FHOD3: variants seen among roughly 807,000 people sequenced by gnomAD.
FHOD3 encodes the protein FH1/FH2 domain-containing protein 3.
In FHOD3, 90 loss-of-function variants were observed where a neutral mutation model predicts 173.0. The observed-to-expected ratio is 0.52, with a 90% CI of 0.44 to 0.62. The LOEUF (loss-of-function observed/expected upper bound fraction) is 0.62, where lower values mean the gene tolerates loss of function less well. Among genes scored for constraint, FHOD3 ranks in the 20% least tolerant of loss-of-function variants. FHOD3 has a pLI of 0.00. For synonymous variants in FHOD3, 828 were observed against 823.0 expected (o/e 1.01, Z -0.10); for missense variants, 1,945 against 2,034.7 (o/e 0.96, Z 0.85).
chr18:36,680,721 C>T (rs1480310676), intron 14 of FHOD3, among the ~76,000 whole-genome samples: 1 of 152,214 alleles, frequency 6.6e-6, no homozygotes, highest in Non-Finnish European at 1.5e-5. Flanking sequence ...CATGCTGAGT[C>T]CTTGGATGCT....
intron 3 of FHOD3, among the ~76,000 whole-genome samples, chr18:36,385,237 G>A (rs1030074101): frequency 3.9e-5 from 6 of 152,244 alleles, no homozygotes; most frequent in South Asian, 4.2e-4. Flanking sequence ...TTAAGCAGCC[G>A]ACAGATTTGA....
In FHOD3 at chr18:36,441,093, G is replaced by A. The variant is rs546571022; in HGVS notation, c.338-60839G>A. On this transcript the variant is annotated intron_variant, in intron 3 of 28. Transcript: ENST00000590592. ...TCTCTTATAGATTCCTCAGTTCCAG[G>A]AGGATAGTCTCTTCCTTTCTCTCTT... is the stretch of plus-strand genomic sequence containing the variant. 5.3e-4 allele frequency among the ~76,000 whole-genome samples: 80 copies of A among 152,236 alleles called. 1 individual carries two copies. In the East Asian group the frequency reaches 7.7e-3, roughly 15 times the overall value.
chr18:36,573,597 G>A (rs569858167), intron 5 of FHOD3, among the ~76,000 whole-genome samples: 35 of 152,284 alleles, frequency 2.3e-4, no homozygotes, highest in South Asian at 8.3e-4. Context: ...GCGTGAGACC[G>A]TGTCTCAACT....
At chr18:36,626,343 A>T (rs1395888393) in intron 10 of FHOD3, among the ~76,000 whole-genome samples, 2 of 152,218 alleles carry the variant, frequency 1.3e-5, no homozygotes, top group Non-Finnish European at 1.5e-5. Context: ...TGTCCCTTTG[A>T]GCCTCACGTT....
intron 3 of FHOD3, among the ~76,000 whole-genome samples, chr18:36,435,132 C>A (rs918855097): frequency 6.8e-6 from 1 of 146,856 alleles, no homozygotes. Context: ...CAAGAAAAGA[C>A]CCGTTTCCTT....
At chr18:36,602,496 A>T (rs1216870544) in intron 7 of FHOD3, among the ~76,000 whole-genome samples, 178 bp from the exon 8 acceptor site, 2 of 152,258 alleles carry the variant, frequency 1.3e-5, no homozygotes, top group African/African-American at 2.4e-5. Context: ...CCTACTAAGA[A>T]ATATCCTCAA....
intron 14 of FHOD3, among the ~76,000 whole-genome samples, chr18:36,675,143 A>G (rs1441999946): frequency 6.6e-6 from 1 of 152,102 alleles, no homozygotes; most frequent in East Asian, 1.9e-4. Flanking sequence ...CACCTAGGGA[A>G]GGCTGGCTAA....
At position 36,718,392 on chromosome 18, in the gene FHOD3, T is replaced by C; in HGVS notation, c.3094T>C (p.Leu1032=). The C allele has an allele frequency of 1.1e-6, 1 of 894,908 alleles. No homozygotes were observed. Among genetic ancestry groups the C allele is most frequent in the Non-Finnish European group, 1.5e-6 (1 of 662,680 alleles). 55.4% of individuals were successfully genotyped at this position (894,908 alleles called of 1,614,324 possible). A position where few individuals can be genotyped will look rare whatever the true frequency, so the allele number is the denominator to read the frequency against. Residue 1032 remains leucine (L), a synonymous_variant, in exon 19 of 29, where the codon TTG becomes CTG. Coordinates refer to ENST00000590592, the MANE Select transcript of FHOD3 (RefSeq NM_001281740.3). ...CCCACCCCCACCCACCTTTCTGGGT[T>C]TGCCGCCCCCACCCCCTCCGCCCCT... ...PPPPPPTFLG[L]PPPPPPPLLD...
rs549090682 is a variant in FHOD3, at chr18:36,387,449, C to A, written c.337+14705C>A. 2.6e-5 allele frequency among the ~76,000 whole-genome samples: 4 copies of A among 152,274 alleles called. No individual in the cohort carries two copies. In the South Asian group the frequency reaches 8.3e-4, roughly 32 times the overall value. ...AATTTCTTGTGGGTAAGCTTGAAAG[C>A]ATCACTATCATTTATGTTACTGTAA... On this transcript the variant is annotated intron_variant, in intron 3 of 28. Coordinates refer to ENST00000590592, the MANE Select transcript of FHOD3 (RefSeq NM_001281740.3).
chr18:36,715,852 G>C (rs2149740885), intron 18 of FHOD3, among the ~76,000 whole-genome samples: 1 of 152,332 alleles, frequency 6.6e-6, no homozygotes, highest in African/African-American at 2.4e-5. Context: ...AAGACAAGAG[G>C]TCAAGGATAA....
At chr18:36,565,418 T>C (rs2058229131) in intron 5 of FHOD3, among the ~76,000 whole-genome samples, 1 of 152,218 alleles carries the variant, frequency 6.6e-6, no homozygotes, top group Non-Finnish European at 1.5e-5. Flanking sequence ...AGAGCTCCTG[T>C]GTTCTAATTG....
At chr18:36,693,539 A>T (rs753536270) in intron 17 of FHOD3, 116 bp downstream of exon 17, 17 of 952,794 alleles carry the variant, frequency 1.8e-5, no homozygotes, top group Non-Finnish European at 2.7e-5. Context: ...CTATGGGTAC[A>T]CTTTGTTGGG....
chr18:36,346,381 A>G (rs2045881216), intron 1 of FHOD3, among the ~76,000 whole-genome samples: 1 of 151,966 alleles, frequency 6.6e-6, no homozygotes, highest in South Asian at 2.1e-4. Context: ...AAAAAACAAA[A>G]CTGAAAAACC....
intron 19 of FHOD3, among the ~76,000 whole-genome samples, chr18:36,725,736 G>A (rs969288433): frequency 9.2e-5 from 14 of 152,172 alleles, no homozygotes; most frequent in East Asian, 1.9e-4. Flanking sequence ...ATGTTCACTC[G>A]CCATATCGGT....
chr18:36,379,409 T>G (rs1403157552), intron 3 of FHOD3, among the ~76,000 whole-genome samples: 1 of 152,374 alleles, frequency 6.6e-6, no homozygotes, highest in South Asian at 2.1e-4. Context: ...ATTGCTTCTT[T>G]AGGACTTGGT....
At chr18:36,612,891 A>G (rs759922284) in intron 9 of FHOD3, among the ~76,000 whole-genome samples, 1 of 152,244 alleles carries the variant, frequency 6.6e-6, no homozygotes, top group Non-Finnish European at 1.5e-5. Context: ...TGTGCATTCT[A>G]CCAACACTCT....
intron 5 of FHOD3, among the ~76,000 whole-genome samples, chr18:36,550,243 C>CAT (rs371573246): frequency 0.08 from 9,682 of 120,520 alleles, 521 homozygotes; most frequent in African/African-American, 0.14. Flanking sequence ...AGTGGTAGAC[C>CAT]ATATATATAT....
intron 15 of FHOD3, among the ~76,000 whole-genome samples, chr18:36,682,766 G>A (rs1017033827): frequency 1.2e-4 from 18 of 152,074 alleles, no homozygotes; most frequent in African/African-American, 4.3e-4. Context: ...AATTTTAGTA[G>A]ACATGGGGTT....
At chr18:36,472,909 C>T (rs542587296) in intron 3 of FHOD3, among the ~76,000 whole-genome samples, 2 of 152,338 alleles carry the variant, frequency 1.3e-5, no homozygotes, top group Non-Finnish European at 1.5e-5. Flanking sequence ...AACCACTGTG[C>T]TGTCTGCATG....
Sources: gnomAD v4.1 joint callset for allele counts (sites outside exome capture counted in the v4.1 genomes callset) on GRCh38, gnomAD v4.1.1 for gene constraint, MANE v1.5 for transcripts, NCBI Gene and HGNC (gene_info 2026-07-23, HGNC 2026-07-21) for gene names.